Variants in RBM20 observed in about 807,000 individuals in gnomAD.
RBM20 encodes the protein RNA binding motif protein 20.
Under a neutral mutation model 110.1 loss-of-function variants are expected in RBM20, and 51 were observed. That is an observed-to-expected ratio of 0.46 (90% CI 0.37 to 0.59). The LOEUF (loss-of-function observed/expected upper bound fraction) is 0.59, where lower values mean the gene tolerates loss of function less well. Ranked by LOEUF, RBM20 falls within the 20% of genes least tolerant of loss-of-function variation. The pLI, the probability that RBM20 is intolerant of heterozygous loss-of-function variation, is 0.00. For missense variants in RBM20, 1,512 were observed against 1,574.9 expected (o/e 0.96, Z 0.68); for synonymous variants, 589 against 618.2 (o/e 0.95, Z 0.70).
intron 1 of RBM20, among the ~76,000 whole-genome samples, chr10:110,767,636 C>A (rs1844122181): frequency 6.6e-6 from 1 of 151,926 alleles, no homozygotes; most frequent in East Asian, 1.9e-4. Flanking sequence ...AGAGACGCTC[C>A]TCACCTCCCA....
intron 13 of RBM20, among the ~76,000 whole-genome samples, chr10:110,831,768 C>A (rs949883146): frequency 3.3e-5 from 5 of 150,910 alleles, no homozygotes; most frequent in African/African-American, 1.2e-4. Flanking sequence ...AGACACTATT[C>A]TAGGGACCAG....
At chr10:110,682,539 G>T (rs1862438195) in intron 1 of RBM20, among the ~76,000 whole-genome samples, 1 of 152,124 alleles carries the variant, frequency 6.6e-6, no homozygotes, top group Non-Finnish European at 1.5e-5. Flanking sequence ...AACGGGCAAA[G>T]GTTCACATTT....
intron 1 of RBM20, among the ~76,000 whole-genome samples, chr10:110,758,827 A>C (rs747835808): frequency 3.9e-5 from 6 of 152,308 alleles, no homozygotes; most frequent in Admixed American, 2.0e-4. Flanking sequence ...AGGACGTTTC[A>C]GGTAGGGAGG....
chr10:110,718,613 T>TC lies in RBM20; in HGVS notation c.192-62188_192-62187insC, dbSNP rs1400112791. Among the ~76,000 whole-genome samples the TC allele has an allele frequency of 2.7e-5, 4 of 149,358 alleles. No homozygotes were observed. In the East Asian group the frequency reaches 7.8e-4, roughly 29 times the overall value. On this transcript the variant is annotated intron_variant, in intron 1 of 13. Coordinates refer to ENST00000369519, the MANE Select transcript of RBM20 (RefSeq NM_001134363.3). ...ACATATAATTCTACTCCATTCTTTT[T>TC]TTTTTTTTCTTTTTTTTTTTTTTAG... is the stretch of plus-strand genomic sequence containing the variant.
chr10:110,725,310 T>C (rs1035363031), intron 1 of RBM20, among the ~76,000 whole-genome samples: 2 of 152,186 alleles, frequency 1.3e-5, no homozygotes, highest in Non-Finnish European at 2.9e-5. Context: ...TTCAATTTCA[T>C]GGTTTTTATG....
chr10:110,803,812 C>CAAAAAAAAAAA (rs58202648), intron 7 of RBM20, among the ~76,000 whole-genome samples: 2 of 57,164 alleles, frequency 3.5e-5, no homozygotes, highest in Admixed American at 6.1e-4. Context: ...TTGGCTTAAG[C>CAAAAAAAAAAA]AAAAAAAAAA....
chr10:110,838,722 A>G lies in RBM20; in HGVS notation c.*2744A>G, dbSNP rs1845166588. 1 of 149,860 alleles carries G rather than the reference A, an allele frequency of 6.7e-6. No individual in the cohort carries two copies. Among genetic ancestry groups the G allele is most frequent in the Non-Finnish European group, 1.5e-5 (1 of 67,644 alleles). The allele number at this position is 149,860 out of a possible 1,614,324, so 9.3% of individuals were successfully genotyped here. On this transcript the variant is annotated 3_prime_UTR_variant, in exon 14 of 14. Coordinates refer to ENST00000369519, the MANE Select transcript of RBM20 (RefSeq NM_001134363.3). ...TAGTGTTATGGCTCTCTTGTGATAG[A>G]CTGGCCTTCATATTGGAGAGCTAGG...
chr10:110,697,268 G>A (rs1719576091), intron 1 of RBM20, among the ~76,000 whole-genome samples: 1 of 152,176 alleles, frequency 6.6e-6, no homozygotes, highest in Non-Finnish European at 1.5e-5. Flanking sequence ...GAAGATGGGT[G>A]TCCATGCGTC....
At chr10:110,713,079 C>A (rs968465109) in intron 1 of RBM20, among the ~76,000 whole-genome samples, 1 of 152,224 alleles carries the variant, frequency 6.6e-6, no homozygotes, top group Non-Finnish European at 1.5e-5. Context: ...TCAGTGCTTG[C>A]TCTATTCTCC....
chr10:110,764,938 C>T (rs887602953), intron 1 of RBM20, among the ~76,000 whole-genome samples: 1 of 152,082 alleles, frequency 6.6e-6, no homozygotes, highest in African/African-American at 2.4e-5. Flanking sequence ...ATGTTCTCGG[C>T]GCTGAGCATT....
chr10:110,791,659 C>T (rs138349179), intron 5 of RBM20, among the ~76,000 whole-genome samples: 6 of 152,300 alleles, frequency 3.9e-5, no homozygotes, highest in East Asian at 3.9e-4. Flanking sequence ...GCCATATGAA[C>T]GATCAGGAGC....
intron 1 of RBM20, among the ~76,000 whole-genome samples, chr10:110,755,508 A>G (rs1298525641): frequency 2.0e-5 from 3 of 152,220 alleles, no homozygotes; most frequent in Non-Finnish European, 4.4e-5. Context: ...GGAAATAGCT[A>G]TTACATTTCT....
At chr10:110,834,888 C>G (rs1052682284) in intron 13 of RBM20, among the ~76,000 whole-genome samples, 4 of 152,192 alleles carry the variant, frequency 2.6e-5, no homozygotes, top group African/African-American at 9.7e-5. Context: ...CAAGAGCAAC[C>G]CAACCTGCCT....
chr10:110,829,566 T>G (rs1435620013), intron 12 of RBM20, among the ~76,000 whole-genome samples: 1 of 152,038 alleles, frequency 6.6e-6, no homozygotes, highest in Non-Finnish European at 1.5e-5. Flanking sequence ...TTCCCTCCCA[T>G]CTCCCTCCCT....
intron 7 of RBM20, among the ~76,000 whole-genome samples, chr10:110,800,922 T>C (rs1844614461): frequency 2.0e-5 from 3 of 152,222 alleles, no homozygotes; most frequent in Non-Finnish European, 1.5e-5. Context: ...CTACTGTTGA[T>C]GGACATTTGA....
intron 12 of RBM20, among the ~76,000 whole-genome samples, 190 bp from the exon 13 acceptor site, chr10:110,830,871 G>A (rs1845042159): frequency 6.6e-6 from 1 of 152,170 alleles, no homozygotes; most frequent in African/African-American, 2.4e-5. Context: ...TGAAGTGGGT[G>A]TGAGTCTCTT....
chr10:110,699,202 C>G (rs1186724877), intron 1 of RBM20, among the ~76,000 whole-genome samples: 1 of 150,402 alleles, frequency 6.6e-6, no homozygotes, highest in African/African-American at 2.4e-5. Flanking sequence ...TGGCTTCTTA[C>G]TCAAGGCATG....
At chr10:110,797,739 A>T in intron 6 of RBM20, 91 bp downstream of exon 6, 2 of 1,371,672 alleles carry the variant, frequency 1.5e-6, no homozygotes, top group Non-Finnish European at 2.0e-6. Flanking sequence ...AGCCATTCTT[A>T]ACATAAAGAG....
At chr10:110,831,684 A>C (rs867916985) in intron 13 of RBM20, among the ~76,000 whole-genome samples, 9 of 150,800 alleles carry the variant, frequency 6.0e-5, no homozygotes, top group Admixed American at 2.6e-4. Flanking sequence ...AAAAAAAAAA[A>C]AAAAAAACAC....
Sources: gnomAD v4.1 joint callset for allele counts (sites outside exome capture counted in the v4.1 genomes callset) on GRCh38, gnomAD v4.1.1 for gene constraint, MANE v1.5 for transcripts, NCBI Gene and HGNC (gene_info 2026-07-23, HGNC 2026-07-21) for gene names.